The following DLG2 variants were observed in gnomAD, a reference collection of about 807,000 sequenced individuals.
The protein encoded by DLG2 is disks large homolog 2.
Under a neutral mutation model 132.5 loss-of-function variants are expected in DLG2, and 45 were observed. The observed-to-expected ratio is 0.34, with a 90% CI of 0.27 to 0.44. The LOEUF (loss-of-function observed/expected upper bound fraction) is 0.44. Among genes scored for constraint, DLG2 ranks in the 20% least tolerant of loss-of-function variants. The pLI is 1.00. For synonymous variants in DLG2, 424 were observed against 419.6 expected, an observed-to-expected ratio of 1.01 and a Z score of -0.13; for missense variants, 1,045 against 1,196.9, an observed-to-expected ratio of 0.87 and a Z score of 1.87.
chr11:84,377,837 G>A (rs1600988957), intron 7 of DLG2, among the ~76,000 whole-genome samples: 2 of 152,152 alleles, frequency 1.3e-5, no homozygotes, highest in East Asian at 3.9e-4. Flanking sequence ...ATCCAGAGGT[G>A]GAACTAAATA....
chr11:85,057,742 C>CA lies in DLG2; in HGVS notation c.357+53918dup, dbSNP rs553209515. Among the ~76,000 whole-genome samples, 33 of 149,554 alleles carry CA rather than the reference C, an allele frequency of 2.2e-4. 1 individual carries two copies. The highest frequency in any genetic ancestry group is 8.4e-4 in the South Asian group (4 of 4,770). On this transcript the variant is annotated intron_variant, in intron 6 of 27. Coordinates refer to ENST00000376104, the MANE Select transcript of DLG2 (RefSeq NM_001142699.3). ...CCAATCTTTCTCATTAGCATGAAAG[C>CA]AAAAAAAAGTAAAACAGCTACATAT...
intron 5 of DLG2, among the ~76,000 whole-genome samples, chr11:85,111,954 T>A (rs1039703710): frequency 2.0e-5 from 3 of 152,108 alleles, no homozygotes; most frequent in African/African-American, 7.2e-5. Context: ...CTCTAAGGAC[T>A]AGGTTTCTGG....
chr11:85,542,844 A>G (rs1380561034), intron 3 of DLG2, among the ~76,000 whole-genome samples: 2 of 152,224 alleles, frequency 1.3e-5, no homozygotes, highest in Non-Finnish European at 2.9e-5. Context: ...AAAACAGTCA[A>G]TTATATCAAT....
chr11:85,511,320 C>G (rs568041409), intron 3 of DLG2, among the ~76,000 whole-genome samples: 1 of 151,846 alleles, frequency 6.6e-6, no homozygotes, highest in South Asian at 2.1e-4. Flanking sequence ...CATGTATACA[C>G]ATGTAACAAA....
chr11:85,206,410 T>TTC (rs1595377655), intron 4 of DLG2, among the ~76,000 whole-genome samples: 1 of 152,200 alleles, frequency 6.6e-6, no homozygotes, highest in African/African-American at 2.4e-5. Context: ...GCTCTGCCCC[T>TTC]TCAAAGCATG....
chr11:85,509,729 T>G (rs1213257), intron 3 of DLG2, among the ~76,000 whole-genome samples: 1 of 151,892 alleles, frequency 6.6e-6, no homozygotes, highest in Non-Finnish European at 1.5e-5. Flanking sequence ...TGATGATACA[T>G]AGTGAACGAA....
chr11:85,487,968 T>C (rs1286478599), intron 3 of DLG2, among the ~76,000 whole-genome samples: 1 of 152,218 alleles, frequency 6.6e-6, no homozygotes, highest in African/African-American at 2.4e-5. Context: ...TGGGAGATAA[T>C]TAGAATCATG....
chr11:84,693,237 A>C (rs537395976), intron 6 of DLG2, among the ~76,000 whole-genome samples: 1 of 151,840 alleles, frequency 6.6e-6, no homozygotes, highest in African/African-American at 2.4e-5. Context: ...TTGTAGGCTT[A>C]TAACATTAGA....
In DLG2 at chr11:85,466,376, G is replaced by T. The variant is rs189233067; in HGVS notation, c.40+132281C>A. Among the ~76,000 whole-genome samples, 274 of 152,264 alleles carry T rather than the reference G, an allele frequency of 1.8e-3. 1 individual carries two copies. Among genetic ancestry groups the T allele is most frequent in the African/African-American group, 6.4e-3 (264 of 41,554 alleles). On this transcript the variant is annotated intron_variant, in intron 3 of 27. Coordinates refer to ENST00000376104, the MANE Select transcript of DLG2 (RefSeq NM_001142699.3). ...TTGCTTTTGGTGTTTTAGACATGAA[G>T]TCCTTGCCCATGCCTATGTCCTGAA... is the stretch of plus-strand genomic sequence containing the variant.
intron 7 of DLG2, among the ~76,000 whole-genome samples, chr11:84,258,888 G>A (rs1222785407): frequency 6.6e-6 from 1 of 152,082 alleles, no homozygotes; most frequent in Non-Finnish European, 1.5e-5. Flanking sequence ...GAGGTTTCTG[G>A]GTCCCTTAAT....
At chr11:84,882,841 C>A (rs1301517115) in intron 6 of DLG2, among the ~76,000 whole-genome samples, 1 of 151,990 alleles carries the variant, frequency 6.6e-6, no homozygotes, top group Non-Finnish European at 1.5e-5. Flanking sequence ...TTCTTTAAAG[C>A]CTTTCTTAAG....
chr11:83,813,273 T>C (rs909580918), intron 17 of DLG2, among the ~76,000 whole-genome samples: 1 of 152,154 alleles, frequency 6.6e-6, no homozygotes, highest in South Asian at 2.1e-4. Flanking sequence ...TGAATGCAAG[T>C]CCATTTGAGG....
At chr11:84,461,823 A>T (rs1358258100) in intron 7 of DLG2, among the ~76,000 whole-genome samples, 1 of 150,778 alleles carries the variant, frequency 6.6e-6, no homozygotes, top group African/African-American at 2.4e-5. Context: ...TAGAGCAATT[A>T]GTTCTGGGAG....
At chr11:85,485,819 GC>G (rs1204431950) in intron 3 of DLG2, among the ~76,000 whole-genome samples, 1 of 152,214 alleles carries the variant, frequency 6.6e-6, no homozygotes, top group Non-Finnish European at 1.5e-5. Flanking sequence ...AGGTATCTGA[GC>G]CCTGAGCAGC....
chr11:84,328,993 T>A (rs911696207), intron 7 of DLG2, among the ~76,000 whole-genome samples: 6 of 152,236 alleles, frequency 3.9e-5, no homozygotes, highest in Admixed American at 6.5e-5. Context: ...CCAGGTAGAA[T>A]TCTTGCAGGG....
chr11:85,502,523 C>T (rs2093828897), intron 3 of DLG2, among the ~76,000 whole-genome samples: 1 of 152,016 alleles, frequency 6.6e-6, no homozygotes, highest in African/African-American at 2.4e-5. Context: ...AGGTGGAAGC[C>T]ATCATTCTCA....
At chr11:83,647,767 G>A (rs2068694762) in intron 18 of DLG2, 1 of 152,112 alleles carries the variant, frequency 6.6e-6, no homozygotes. Context: ...TACTTTAGTG[G>A]AGTTTTGGAA....
intron 6 of DLG2, among the ~76,000 whole-genome samples, chr11:85,028,317 G>A (rs1250354166): frequency 6.6e-6 from 1 of 152,154 alleles, no homozygotes; most frequent in Non-Finnish European, 1.5e-5. Context: ...AGTAGGTCGG[G>A]AAAAAGCACC....
chr11:84,675,425 G>C (rs186989574), intron 6 of DLG2, among the ~76,000 whole-genome samples: 1 of 152,216 alleles, frequency 6.6e-6, no homozygotes, highest in East Asian at 1.9e-4. Context: ...CTTTCTCAGG[G>C]ATTCGAAGAT....
Sources: gnomAD v4.1 joint callset for allele counts (sites outside exome capture counted in the v4.1 genomes callset) on GRCh38, gnomAD v4.1.1 for gene constraint, MANE v1.5 for transcripts, NCBI Gene and HGNC (gene_info 2026-07-23, HGNC 2026-07-21) for gene names.